The following VPS13D variants were observed in gnomAD, a reference collection of about 807,000 sequenced individuals.
VPS13D encodes vacuolar protein sorting 13 homolog D.
In VPS13D, 187 loss-of-function variants were observed where a neutral mutation model predicts 461.9. The ratio of observed to expected loss-of-function variants is 0.40; its 90% CI spans 0.36 to 0.46. The LOEUF is 0.46. VPS13D is among the 20% of genes least tolerant of loss of function. The pLI is 0.60. For synonymous variants in VPS13D, 1,951 were observed against 1,986.3 expected (o/e 0.98, Z 0.47); for missense variants, 4,711 against 5,364.9 (o/e 0.88, Z 3.81).
chr1:12,371,702 T>A lies in VPS13D; in HGVS notation c.10808+2000T>A, dbSNP rs182382476. Among the ~76,000 whole-genome samples the A allele has an allele frequency of 9.2e-5, 14 of 152,264 alleles. No individual in the cohort carries two copies. The East Asian group carries it at 1.2e-3, about 13-fold the overall frequency. On this transcript the variant is annotated intron_variant, in intron 54 of 69. Transcript: ENST00000620676. ...GCCACTGCTCCTGGCCCATTTTTTT[T>A]ATGAAAAGTACCCAGTATTTTTTGT... is the stretch of plus-strand genomic sequence containing the variant.
intron 35 of VPS13D, among the ~76,000 whole-genome samples, chr1:12,325,254 C>A (rs1005308257): frequency 6.6e-6 from 1 of 151,832 alleles, no homozygotes; most frequent in Admixed American, 6.6e-5. Flanking sequence ...TTCTCTCTTT[C>A]TACTTCTCTT....
rs182249747 is a variant in VPS13D, at chr1:12,329,734, G to A, written c.8198-95G>A. ...CAGAATGTTGTGTGCTCTCCTTTGC[G>A]AGTATTAGCTCTAATGTTTCTTTAA... On this transcript the variant is annotated intron_variant, in intron 36 of 69. Transcript: ENST00000620676. The A allele has an allele frequency of 8.1e-5, 67 of 831,296 alleles. No individual in the cohort carries two copies. The South Asian group carries it at 8.4e-4, about 10-fold the overall frequency. 51.5% of individuals were successfully genotyped at this position (831,296 alleles called of 1,614,324 possible).
intron 35 of VPS13D, among the ~76,000 whole-genome samples, chr1:12,325,934 C>T (rs1459413264): frequency 1.3e-5 from 2 of 148,992 alleles, no homozygotes; most frequent in African/African-American, 4.9e-5. Context: ...AAATACCAGA[C>T]CAAAGGGTAT....
intron 67 of VPS13D, among the ~76,000 whole-genome samples, chr1:12,487,700 G>A (rs978356072): frequency 1.3e-5 from 2 of 151,976 alleles, no homozygotes; most frequent in African/African-American, 4.8e-5. Context: ...GTCACTGAAA[G>A]AGGCCCTGGG....
intron 65 of VPS13D, among the ~76,000 whole-genome samples, chr1:12,450,290 C>G (rs1485719230): frequency 6.6e-6 from 1 of 152,074 alleles, no homozygotes; most frequent in Admixed American, 6.5e-5. Context: ...GTGGCAACTC[C>G]CACAAAGTTC....
At chr1:12,270,395 G>A (rs1641403073) in intron 16 of VPS13D, among the ~76,000 whole-genome samples, 1 of 152,094 alleles carries the variant, frequency 6.6e-6, no homozygotes, top group African/African-American at 2.4e-5. Flanking sequence ...AGGCTGCAGT[G>A]AGCCAAGATC....
At position 12,466,658 on chromosome 1, in the gene VPS13D, C is replaced by T. The variant is rs576878382; in HGVS notation, c.12662+6262C>T. The stretch of plus-strand genomic sequence containing the variant: ...GAGTCCGGTACGCTGTAGTAGCATC[C>T]ATATAGAGGCATGTATATGGTAGAG... On this transcript the variant is annotated intron_variant, in intron 67 of 69. Coordinates refer to ENST00000620676, the MANE Select transcript of VPS13D (RefSeq NM_015378.4). 1.6e-3 allele frequency among the ~76,000 whole-genome samples: 251 copies of T among 152,278 alleles called. 4 individuals carry two copies. The highest frequency in any genetic ancestry group is 5.8e-3 in the African/African-American group (242 of 41,532).
In VPS13D at chr1:12,280,786, G is replaced by A. The variant is rs186658875; in HGVS notation, c.4602+1136G>A. ...TTACAGGTGTGTGCCACCATGCCCG[G>A]CCTATGTTGACTTATTTTTATGGTT... On this transcript the variant is annotated intron_variant, in intron 20 of 69. Transcript: ENST00000620676. Among the ~76,000 whole-genome samples the A allele has an allele frequency of 3.7e-4, 56 of 152,108 alleles. No individual in the cohort carries two copies. In the East Asian group the frequency reaches 9.5e-3, roughly 26 times the overall value.
chr1:12,333,222 T>C lies in VPS13D; in HGVS notation c.8288-4T>C, dbSNP rs1643374233. Reference sequence around the variant, plus strand: ...CAGATGTCTTATTTCCTGTGTTCTTTTAGGCTGGGAGCCATTTATTGAGCC... The same window carrying C: ...CAGATGTCTTATTTCCTGTGTTCTTCTAGGCTGGGAGCCATTTATTGAGCC... On this transcript the variant is annotated splice_region_variant and splice_polypyrimidine_tract_variant and intron_variant, in intron 37 of 69. Coordinates refer to ENST00000620676, the MANE Select transcript of VPS13D (RefSeq NM_015378.4). 1 of 1,613,192 alleles carries C rather than the reference T, an allele frequency of 6.2e-7. No homozygotes were observed. Among genetic ancestry groups the C allele is most frequent in the East Asian group, 2.2e-5 (1 of 44,874 alleles).
intron 25 of VPS13D, among the ~76,000 whole-genome samples, chr1:12,300,351 G>GCTGAGAT (rs1456261635): frequency 1.3e-5 from 2 of 151,876 alleles, no homozygotes; most frequent in Non-Finnish European, 2.9e-5. Context: ...GAGATTACAG[G>GCTGAGAT]TACCAACCAC....
At chr1:12,328,344 TAGG>T (rs771735437) in intron 36 of VPS13D, among the ~76,000 whole-genome samples, 2 of 150,350 alleles carry the variant, frequency 1.3e-5, no homozygotes, top group Admixed American at 1.3e-4. Context: ...GGGACCAAAG[TAGG>T]AGTACTCTAT....
chr1:12,402,432 TGAA>T (rs1258492284), intron 62 of VPS13D: 41 of 152,322 alleles, frequency 2.7e-4, no homozygotes, highest in African/African-American at 9.9e-4. Context: ...ATATTGAGCC[TGAA>T]GAAATGATAA....
intron 65 of VPS13D, among the ~76,000 whole-genome samples, chr1:12,438,016 C>T (rs1217418418): frequency 1.3e-5 from 2 of 152,122 alleles, no homozygotes; most frequent in African/African-American, 2.4e-5. Flanking sequence ...CTCTCCTAGC[C>T]CTGGCTTTCT....
intron 67 of VPS13D, among the ~76,000 whole-genome samples, chr1:12,462,153 T>C (rs1347146198): frequency 1.3e-5 from 2 of 152,124 alleles, no homozygotes; most frequent in African/African-American, 4.8e-5. Flanking sequence ...GCAGCAAACA[T>C]AAAAAATTAT....
chr1:12,236,792 T>C (rs1022992818), intron 2 of VPS13D, among the ~76,000 whole-genome samples: 1 of 152,210 alleles, frequency 6.6e-6, no homozygotes, highest in Non-Finnish European at 1.5e-5. Flanking sequence ...AGCTAAACTA[T>C]GTGTTTGAAT....
At chr1:12,258,187 G>T in intron 10 of VPS13D, 84 bp downstream of exon 10, 1 of 1,530,750 alleles carries the variant, frequency 6.5e-7, no homozygotes, top group Non-Finnish European at 8.9e-7. Context: ...TGGGATCTGT[G>T]AAGTAATAAA....
chr1:12,417,750 G>A (rs1644813634), intron 65 of VPS13D, among the ~76,000 whole-genome samples: 4 of 152,166 alleles, frequency 2.6e-5, no homozygotes, highest in African/African-American at 7.2e-5. Flanking sequence ...TGGTGTTCTC[G>A]TTAATAATGT....
At chr1:12,314,052 A>G (rs753316049) in intron 29 of VPS13D, 63 bp from the exon 30 acceptor site, 29 of 1,469,386 alleles carry the variant, frequency 2.0e-5, no homozygotes, top group Admixed American at 3.6e-5. Flanking sequence ...TCGAACTTAT[A>G]TACTTTTGTA....
Position 12,314,321 on chromosome 1 carries a change from A to G in VPS13D, c.7142A>G (p.His2381Arg), listed in dbSNP as rs367604670. 1.2e-6 allele frequency: 2 copies of G among 1,612,564 alleles called. No homozygotes were observed. Among genetic ancestry groups the G allele is most frequent in the South Asian group, 1.1e-5 (1 of 91,042 alleles). The change falls in exon 30 of 70, where the codon CAT (histidine) becomes CGT (arginine). Residue 2381 changes from histidine (H) to arginine (R), a missense_variant. By Grantham distance (29) the His-to-Arg change is conservative. Transcript: ENST00000620676. ...CAAGGGTCCATTCAGATTGAACTACATTTCAGGTAGCAGGTCCAGACCCTT... is the reference window on the plus strand; with the variant it reads ...CAAGGGTCCATTCAGATTGAACTACGTTTCAGGTAGCAGGTCCAGACCCTT... ...TTQGSIQIEL[H>R]FRSTKDSSCF...
Sources: allele counts gnomAD v4.1 joint callset (sites outside exome capture counted in the v4.1 genomes callset), GRCh38; gene constraint gnomAD v4.1.1; transcripts MANE v1.5; gene names NCBI Gene and HGNC (gene_info 2026-07-23, HGNC 2026-07-21).